The following GABRA2 variants were observed in gnomAD, a reference collection of about 807,000 sequenced individuals.
The protein encoded by GABRA2 is gamma-aminobutyric acid receptor subunit alpha-2.
A neutral mutation model predicts 48.7 loss-of-function variants in GABRA2; 16 were observed. The observed-to-expected ratio is 0.33, with a 90% CI of 0.22 to 0.50. GABRA2 has a LOEUF of 0.50. GABRA2 is among the 20% of genes least tolerant of loss of function. The pLI is 0.98. For missense variants in GABRA2, 275 were observed against 535.6 expected, an observed-to-expected ratio of 0.51 and a Z score of 4.80; for synonymous variants, 185 against 184.5, an observed-to-expected ratio of 1.00 and a Z score of -0.02.
intron 3 of GABRA2, among the ~76,000 whole-genome samples, chr4:46,385,319 A>T (rs919020196): frequency 6.6e-6 from 1 of 151,858 alleles, no homozygotes; most frequent in Non-Finnish European, 1.5e-5. Context: ...CTTAATGATT[A>T]TGAAACAAAC....
chr4:46,368,344 T>C (rs1396036753), intron 3 of GABRA2: 1 of 152,128 alleles, frequency 6.6e-6, no homozygotes, highest in Non-Finnish European at 1.5e-5. Context: ...GCTAGACTCA[T>C]CTGGTAACAG....
chr4:46,381,752 A>T (rs1716785509), intron 3 of GABRA2, among the ~76,000 whole-genome samples: 1 of 152,208 alleles, frequency 6.6e-6, no homozygotes, highest in Non-Finnish European at 1.5e-5. Context: ...CAAATCACAC[A>T]GTTAGTTCAT....
intron 3 of GABRA2, among the ~76,000 whole-genome samples, chr4:46,375,689 A>G (rs1011868656): frequency 6.6e-6 from 1 of 152,228 alleles, no homozygotes; most frequent in African/African-American, 2.4e-5. Flanking sequence ...TTAAAGTTCA[A>G]TAAAGAAAAC....
At chr4:46,282,812 C>T (rs16859282) in intron 8 of GABRA2, among the ~76,000 whole-genome samples, 3,551 of 152,178 alleles carry the variant, frequency 0.023, 141 homozygotes, top group African/African-American at 0.081. Context: ...TTACTATTTG[C>T]CCAGAATTCC....
chr4:46,273,491 ATATATATATG>A (rs1719823550), intron 8 of GABRA2, among the ~76,000 whole-genome samples: 1 of 28,180 alleles, frequency 3.5e-5, no homozygotes, highest in Non-Finnish European at 7.1e-5. Context: ...ATGCATATAT[ATATATATATG>A]CATATATATA....
chr4:46,355,828 G>C (rs944380954), intron 3 of GABRA2, among the ~76,000 whole-genome samples: 1 of 151,976 alleles, frequency 6.6e-6, no homozygotes, highest in African/African-American at 2.4e-5. Context: ...TGACTAAAAT[G>C]GCAGTTCATT....
intron 3 of GABRA2, among the ~76,000 whole-genome samples, chr4:46,369,246 C>G (rs1334537371): frequency 1.3e-5 from 2 of 152,052 alleles, no homozygotes; most frequent in Non-Finnish European, 2.9e-5. Context: ...GAAGCTATTA[C>G]CGAATTTCAT....
intron 8 of GABRA2, among the ~76,000 whole-genome samples, chr4:46,301,550 A>G (rs190966650): frequency 1.3e-5 from 2 of 152,266 alleles, no homozygotes; most frequent in East Asian, 1.9e-4. Context: ...TGAACATGCC[A>G]TTGTCTTTCA....
chr4:46,287,005 G>T (rs914456739), intron 8 of GABRA2, among the ~76,000 whole-genome samples: 3 of 151,982 alleles, frequency 2.0e-5, no homozygotes, highest in Non-Finnish European at 4.4e-5. Context: ...TTAGATCTAA[G>T]AATTCATTCA....
At chr4:46,309,952 T>C (rs1211154300) in intron 6 of GABRA2, among the ~76,000 whole-genome samples, 4 of 152,158 alleles carry the variant, frequency 2.6e-5, no homozygotes, top group South Asian at 2.1e-4. Context: ...CTAAAACACA[T>C]AGTAGTAAAA....
At chr4:46,376,402 T>C (rs531033625) in intron 3 of GABRA2, among the ~76,000 whole-genome samples, 19 of 152,178 alleles carry the variant, frequency 1.2e-4, no homozygotes, top group Non-Finnish European at 2.1e-4. Context: ...TTTGACTGCA[T>C]CTGAGCTGAA....
chr4:46,284,066 A>G (rs1397058959), intron 8 of GABRA2, among the ~76,000 whole-genome samples: 1 of 117,954 alleles, frequency 8.5e-6, no homozygotes, highest in Non-Finnish European at 1.7e-5. Flanking sequence ...GCCTGATTTG[A>G]GTTCTTAATA....
In GABRA2 at chr4:46,248,430, A is replaced by G. The variant is rs189817135; in HGVS notation, c.*1878T>C. On this transcript the variant is annotated 3_prime_UTR_variant, in exon 10 of 10. Coordinates refer to ENST00000381620, the MANE Select transcript of GABRA2 (RefSeq NM_000807.4). Reference sequence around the variant, plus strand: ...ACAAAGAAAGTGTTACTGGAAGGGAATTAAAGAAATACATTTATTGGCTCA... The same window carrying G: ...ACAAAGAAAGTGTTACTGGAAGGGAGTTAAAGAAATACATTTATTGGCTCA... 7.4e-4 allele frequency: 112 copies of G among 151,554 alleles called. No homozygotes were observed. The highest frequency in any genetic ancestry group is 2.6e-3 in the African/African-American group (108 of 41,484). 9.4% of individuals were successfully genotyped at this position (151,554 alleles called of 1,614,324 possible).
chr4:46,385,974 G>A, intron 3 of GABRA2, 100 bp downstream of exon 3: 1 of 681,324 alleles, frequency 1.5e-6, no homozygotes, highest in East Asian at 2.8e-5. Flanking sequence ...TATATACACA[G>A]TGATGCATTC....
At chr4:46,332,203 G>T (rs534559200) in intron 4 of GABRA2, among the ~76,000 whole-genome samples, 5 of 152,034 alleles carry the variant, frequency 3.3e-5, no homozygotes, top group East Asian at 3.9e-4. Context: ...AGGGTTTTTT[G>T]TTGTTGTTGT....
At chr4:46,356,618 T>G (rs1736011660) in intron 3 of GABRA2, among the ~76,000 whole-genome samples, 1 of 152,176 alleles carries the variant, frequency 6.6e-6, no homozygotes, top group African/African-American at 2.4e-5. Flanking sequence ...AGCCTGGGTC[T>G]GCAGACGTTA....
chr4:46,350,515 A>G (rs1199304863), intron 3 of GABRA2, among the ~76,000 whole-genome samples: 1 of 151,820 alleles, frequency 6.6e-6, no homozygotes, highest in Non-Finnish European at 1.5e-5. Flanking sequence ...ATACATACAT[A>G]CCTGTATATA....
intron 6 of GABRA2, among the ~76,000 whole-genome samples, chr4:46,308,036 GTTAA>G (rs1472945266): frequency 4.6e-5 from 7 of 152,060 alleles, no homozygotes; most frequent in Non-Finnish European, 8.8e-5. Context: ...TCTTGTTTGT[GTTAA>G]TTAACCCATT....
chr4:46,366,993 G>A (rs1714139659), intron 3 of GABRA2: 1 of 151,992 alleles, frequency 6.6e-6, no homozygotes, highest in Admixed American at 6.6e-5. Context: ...TGAAGCCATA[G>A]AGCCTTTGTT....
Sources: gnomAD v4.1 joint callset for allele counts (sites outside exome capture counted in the v4.1 genomes callset) on GRCh38, gnomAD v4.1.1 for gene constraint, MANE v1.5 for transcripts, NCBI Gene and HGNC (gene_info 2026-07-23, HGNC 2026-07-21) for gene names.